HIPK3: variants seen among roughly 807,000 people sequenced by gnomAD.
HIPK3 encodes homeodomain interacting protein kinase 3, also known as homeodomain-interacting protein kinase 3.
In HIPK3, 47 loss-of-function variants were observed where a neutral mutation model predicts 124.2. The ratio of observed to expected loss-of-function variants is 0.38; its 90% CI spans 0.30 to 0.48. HIPK3 has a LOEUF of 0.48. Ranked by LOEUF, HIPK3 falls within the 20% of genes least tolerant of loss-of-function variation. The probability of loss-of-function intolerance (pLI) is 0.98; values close to 1 mark genes in which losing one functional copy is unlikely to be tolerated. For missense variants in HIPK3, 1,286 were observed against 1,454.3 expected (o/e 0.88, Z 1.88); for synonymous variants, 482 against 515.2 (o/e 0.94, Z 0.87).
chr11:33,352,305 A>G (rs1161959861), intron 16 of HIPK3, 40 bp downstream of exon 16: 2 of 1,601,244 alleles, frequency 1.2e-6, no homozygotes, highest in South Asian at 2.2e-5. Flanking sequence ...TGTGGGATTC[A>G]AATTTAGCAG....
chr11:33,258,251 C>T, intron 1 of HIPK3: 1 of 960,564 alleles, frequency 1.0e-6, no homozygotes, highest in Non-Finnish European at 1.2e-6. Context: ...TTCCCAGCAA[C>T]CGAAGTTTTG....
chr11:33,270,417 T>C (rs554256863), intron 1 of HIPK3, among the ~76,000 whole-genome samples: 1 of 151,512 alleles, frequency 6.6e-6, no homozygotes, highest in South Asian at 2.1e-4. Context: ...CAAGCAATTC[T>C]CTTGCCTCAG....
At chr11:33,258,473 G>A (rs1850733122) in intron 1 of HIPK3, 1 of 985,196 alleles carries the variant, frequency 1.0e-6, no homozygotes, top group Admixed American at 6.2e-5. Context: ...GTGCGTGCGT[G>A]TGTGTGATTG....
intron 2 of HIPK3, among the ~76,000 whole-genome samples, chr11:33,307,251 T>C (rs1852188051): frequency 6.6e-6 from 1 of 152,028 alleles, no homozygotes; most frequent in Non-Finnish European, 1.5e-5. Context: ...ATGCATCCAT[T>C]TTTAAATAAA....
intron 2 of HIPK3, 140 bp from the exon 3 acceptor site, chr11:33,328,368 CAA>C: frequency 1.4e-6 from 1 of 726,836 alleles, no homozygotes. Flanking sequence ...GTCTAGGTTT[CAA>C]AGAGTTCTGA....
chr11:33,269,273 T>C (rs1851057897), intron 1 of HIPK3, among the ~76,000 whole-genome samples: 1 of 152,186 alleles, frequency 6.6e-6, no homozygotes, highest in Non-Finnish European at 1.5e-5. Flanking sequence ...TCAGTAGGTA[T>C]GACCTTCTCC....
rs536653056 is a variant in HIPK3, at chr11:33,311,546, G to A, written c.1098-16964G>A. On this transcript the variant is annotated intron_variant, in intron 2 of 16. Coordinates refer to ENST00000303296, the MANE Select transcript of HIPK3 (RefSeq NM_005734.5). ...AGTTTTAGGTTCGCAGAAAAACTGA[G>A]CAGAAAGTACTGAGTTCTGTATACC... 9.2e-5 allele frequency among the ~76,000 whole-genome samples: 14 copies of A among 152,042 alleles called. 1 individual carries two copies. The highest frequency in any genetic ancestry group is 1.8e-4 in the Non-Finnish European group (12 of 68,016).
chr11:33,335,815 C>G (rs2133978806), intron 3 of HIPK3: 1 of 152,118 alleles, frequency 6.6e-6, no homozygotes, highest in South Asian at 2.1e-4. Flanking sequence ...TTAGGGGAGT[C>G]AAGTTTTAGT....
At chr11:33,296,427 C>T (rs142781392) in intron 2 of HIPK3, among the ~76,000 whole-genome samples, 3 of 152,224 alleles carry the variant, frequency 2.0e-5, no homozygotes, top group East Asian at 3.9e-4. Context: ...TCTTTTAGGT[C>T]TTTTGAGTGG....
chr11:33,299,868 C>T (rs1009692159), intron 2 of HIPK3, among the ~76,000 whole-genome samples: 3 of 150,854 alleles, frequency 2.0e-5, no homozygotes, highest in African/African-American at 7.3e-5. Context: ...TACAAAAACA[C>T]AAAAATTAGC....
intron 2 of HIPK3, among the ~76,000 whole-genome samples, chr11:33,325,076 G>C (rs1274279721): frequency 6.6e-6 from 1 of 152,206 alleles, no homozygotes; most frequent in Non-Finnish European, 1.5e-5. Context: ...TTATGTTTGA[G>C]TGGCTATGTG....
chr11:33,269,773 G>C (rs1179354226), intron 1 of HIPK3, among the ~76,000 whole-genome samples: 1 of 151,670 alleles, frequency 6.6e-6, no homozygotes, highest in Non-Finnish European at 1.5e-5. Flanking sequence ...TTTATTTATA[G>C]TTTATGTATT....
intron 8 of HIPK3, 41 bp from the exon 9 acceptor site, chr11:33,347,252 G>T: frequency 3.2e-6 from 5 of 1,559,270 alleles, no homozygotes; most frequent in Non-Finnish European, 4.4e-6. Context: ...TAAATAAGAG[G>T]AAGATTTTTT....
At position 33,257,708 on chromosome 11, in the gene HIPK3, C is replaced by G; in HGVS notation, c.-184C>G. ...GCAGCGGTCGGGGGAGGGTGTTTCG[C>G]CGTTTCCTCTCAGCCGCCAGGACAA... On this transcript the variant is annotated 5_prime_UTR_variant, in exon 1 of 17. Transcript: ENST00000303296. The G allele has an allele frequency of 1.0e-6, 1 of 990,758 alleles. No homozygotes were observed. The highest frequency in any genetic ancestry group is 1.7e-5 in the African/African-American group (1 of 57,432). The allele number at this position is 990,758 out of a possible 1,614,324, so 61.4% of individuals were successfully genotyped here.
intron 7 of HIPK3, 121 bp downstream of exon 7, chr11:33,341,248 A>G (rs898649000): frequency 3.1e-6 from 2 of 655,198 alleles, no homozygotes; most frequent in Non-Finnish European, 5.0e-6. Context: ...AGGTCTTACT[A>G]TACCTGTTTT....
rs1554965378 is a variant in HIPK3, at chr11:33,310,298, T to TATCTATCTATCTA, written c.1098-18203_1098-18202insTCTAATCTATCTA. Among the ~76,000 whole-genome samples, 6 of 151,552 alleles carry TATCTATCTATCTA rather than the reference T, an allele frequency of 4.0e-5. No homozygotes were observed. In the East Asian group the frequency reaches 9.7e-4, roughly 24 times the overall value. ...TGTCTATCTTATCTATCTATCTATC[T>TATCTATCTATCTA]ATCTATCTAATCTATCTATCTATTC... On this transcript the variant is annotated intron_variant, in intron 2 of 16. Transcript: ENST00000303296.
chr11:33,334,389 G>T (rs1023216551), intron 3 of HIPK3, among the ~76,000 whole-genome samples: 5 of 152,062 alleles, frequency 3.3e-5, no homozygotes, highest in African/African-American at 1.2e-4. Context: ...TGGATAAGTA[G>T]AAGTTCGAGA....
intron 1 of HIPK3, 22 bp from the exon 2 acceptor site, chr11:33,286,391 C>CTTT (rs34512764): frequency 1.7e-5 from 20 of 1,164,504 alleles, no homozygotes; most frequent in Non-Finnish European, 1.7e-5. Flanking sequence ...TTTTCTTTTC[C>CTTT]TTTTTTTTTT....
chr11:33,340,282 C>T (rs1853292323), intron 6 of HIPK3, among the ~76,000 whole-genome samples: 1 of 152,154 alleles, frequency 6.6e-6, no homozygotes, highest in South Asian at 2.1e-4. Context: ...CACCATGTCA[C>T]CCAGGTTGGT....
Sources: gnomAD v4.1 joint callset for allele counts (sites outside exome capture counted in the v4.1 genomes callset) on GRCh38, gnomAD v4.1.1 for gene constraint, MANE v1.5 for transcripts, NCBI Gene and HGNC (gene_info 2026-07-23, HGNC 2026-07-21) for gene names.